RORB: variants seen among roughly 807,000 people sequenced by gnomAD.
RORB encodes nuclear receptor ROR-beta.
Under a neutral mutation model 59.1 loss-of-function variants are expected in RORB, and 6 were observed. The observed-to-expected ratio is 0.10, with a 90% CI of 0.06 to 0.20. The LOEUF is 0.20. Among genes scored for constraint, RORB ranks in the 10% least tolerant of loss-of-function variants. The probability of loss-of-function intolerance (pLI) is 1.00; values close to 1 mark genes in which losing one functional copy is unlikely to be tolerated. For missense variants in RORB, 320 were observed against 560.5 expected (o/e 0.57, Z 4.33); for synonymous variants, 215 against 204.5 (o/e 1.05, Z -0.44).
chr9:74,524,512 G>C (rs766012330), intron 1 of RORB, among the ~76,000 whole-genome samples: 25 of 151,840 alleles, frequency 1.6e-4, no homozygotes, highest in Non-Finnish European at 3.2e-4. Context: ...CTTTCTACAA[G>C]ATGAGCTGTT....
chr9:74,626,123 C>G (rs1823509723), intron 1 of RORB, among the ~76,000 whole-genome samples: 1 of 151,944 alleles, frequency 6.6e-6, no homozygotes, highest in Non-Finnish European at 1.5e-5. Flanking sequence ...AAAGTTGTGG[C>G]AGGGAACTCT....
rs1297749472 is a variant in RORB, at chr9:74,497,344, C to G, written c.-633C>G. On this transcript the variant is annotated 5_prime_UTR_variant, in exon 1 of 10. Coordinates refer to ENST00000376896, the MANE Select transcript of RORB (RefSeq NM_006914.4). ...TCAGCGCTCTCTCTCCATCTCTCCC[C>G]TCTCTTTCTCTCTCGCTGCTCCCTT... The G allele has an allele frequency of 6.5e-6, 1 of 152,686 alleles. No homozygotes were observed. The highest frequency in any genetic ancestry group is 2.4e-5 in the African/African-American group (1 of 41,486). 9.5% of individuals were successfully genotyped at this position (152,686 alleles called of 1,614,324 possible).
chr9:74,619,929 TG>T (rs1376078497), intron 1 of RORB, among the ~76,000 whole-genome samples: 1 of 152,220 alleles, frequency 6.6e-6, no homozygotes, highest in Non-Finnish European at 1.5e-5. Flanking sequence ...GATGTGCTGC[TG>T]GATTCGGTTT....
chr9:74,585,848 G>A (rs1822790459), intron 1 of RORB, among the ~76,000 whole-genome samples: 1 of 139,700 alleles, frequency 7.2e-6, no homozygotes, highest in Admixed American at 7.3e-5. Flanking sequence ...AGACTGGAGT[G>A]CAGTGGAGCG....
At chr9:74,539,664 C>A (rs1056325726) in intron 1 of RORB, among the ~76,000 whole-genome samples, 1 of 151,850 alleles carries the variant, frequency 6.6e-6, no homozygotes, top group Non-Finnish European at 1.5e-5. Context: ...ATACAAATGG[C>A]ATTTATAGAT....
intron 1 of RORB, 160 bp from the exon 2 acceptor site, chr9:74,630,122 C>G (rs1823591082): frequency 2.2e-6 from 1 of 464,340 alleles, no homozygotes; most frequent in Admixed American, 6.4e-5. Flanking sequence ...AAGCTTAGGA[C>G]AGCCATGCAA....
chr9:74,655,030 C>A (rs927773621), intron 4 of RORB, among the ~76,000 whole-genome samples: 1 of 152,158 alleles, frequency 6.6e-6, no homozygotes, highest in African/African-American at 2.4e-5. Flanking sequence ...TTTGCCTTAT[C>A]ATGATTAAAA....
intron 1 of RORB, among the ~76,000 whole-genome samples, chr9:74,534,735 AT>A (rs1276299876): frequency 6.6e-6 from 1 of 152,036 alleles, no homozygotes; most frequent in Non-Finnish European, 1.5e-5. Flanking sequence ...TGCACCCCCT[AT>A]GGTGGATACA....
At chr9:74,550,810 T>C (rs1172215094) in intron 1 of RORB, among the ~76,000 whole-genome samples, 3 of 152,200 alleles carry the variant, frequency 2.0e-5, no homozygotes, top group African/African-American at 7.2e-5. Flanking sequence ...CATTGTCCAA[T>C]ATGGCACCAC....
chr9:74,515,107 T>C (rs1338355734), intron 1 of RORB, among the ~76,000 whole-genome samples: 1 of 148,944 alleles, frequency 6.7e-6, no homozygotes, highest in Admixed American at 6.8e-5. Flanking sequence ...CTGTAAGCAT[T>C]ACATAGTTGT....
intron 2 of RORB, among the ~76,000 whole-genome samples, chr9:74,634,006 T>A (rs575315742): frequency 2.4e-4 from 37 of 151,372 alleles, no homozygotes; most frequent in South Asian, 1.5e-3. Flanking sequence ...GAGGCCACAG[T>A]ACACTATGAT....
At chr9:74,615,515 T>A in intron 1 of RORB, 1 of 370,008 alleles carries the variant, frequency 2.7e-6, no homozygotes, top group South Asian at 2.0e-5. Context: ...GGATTGAAGT[T>A]GTGGGTTAAC....
chr9:74,682,062 G>A (rs557244343), intron 9 of RORB, among the ~76,000 whole-genome samples: 1 of 152,168 alleles, frequency 6.6e-6, no homozygotes, highest in African/African-American at 2.4e-5. Flanking sequence ...TTTCTCTCCT[G>A]AAAGGAAGAG....
chr9:74,656,271 T>C (rs761567037), intron 4 of RORB, among the ~76,000 whole-genome samples: 5 of 152,172 alleles, frequency 3.3e-5, no homozygotes, highest in Non-Finnish European at 7.4e-5. Flanking sequence ...GCTGGTCCCA[T>C]GTATTCTCCT....
intron 1 of RORB, among the ~76,000 whole-genome samples, chr9:74,575,529 T>C (rs1822621131): frequency 6.6e-6 from 1 of 152,162 alleles, no homozygotes; most frequent in South Asian, 2.1e-4. Flanking sequence ...TGTGTTTTTA[T>C]GGATCACCTG....
At chr9:74,535,770 AT>A (rs1274823512) in intron 1 of RORB, among the ~76,000 whole-genome samples, 4 of 152,222 alleles carry the variant, frequency 2.6e-5, no homozygotes, top group South Asian at 2.1e-4. Flanking sequence ...GCTAAAAAAA[AT>A]CTAGTAATAA....
chr9:74,579,295 CAATT>C (rs542060391), intron 1 of RORB, among the ~76,000 whole-genome samples: 33 of 152,182 alleles, frequency 2.2e-4, no homozygotes, highest in South Asian at 1.7e-3. Context: ...TTATTAAACA[CAATT>C]AATTAATTAA....
intron 1 of RORB, among the ~76,000 whole-genome samples, chr9:74,518,204 G>A (rs924141798): frequency 7.9e-5 from 12 of 151,968 alleles, no homozygotes. Flanking sequence ...CTAGGGAAAT[G>A]CACTAATTTA....
chr9:74,505,478 A>G (rs1021487950), intron 1 of RORB, among the ~76,000 whole-genome samples: 2 of 152,128 alleles, frequency 1.3e-5, no homozygotes, highest in African/African-American at 4.8e-5. Flanking sequence ...TTAAAGATTT[A>G]TTGAATACAT....
Sources: allele counts gnomAD v4.1 joint callset (sites outside exome capture counted in the v4.1 genomes callset), GRCh38; gene constraint gnomAD v4.1.1; transcripts MANE v1.5; gene names NCBI Gene and HGNC (gene_info 2026-07-23, HGNC 2026-07-21).